INTS8: variants seen among roughly 807,000 people sequenced by gnomAD.
The protein encoded by INTS8 is integrator complex subunit 8.
INTS8 carries 47 observed loss-of-function variants against 138.9 expected under a neutral mutation model. That is an observed-to-expected ratio of 0.34 (90% CI 0.27 to 0.43). The LOEUF (loss-of-function observed/expected upper bound fraction) is 0.43. Among genes scored for constraint, INTS8 ranks in the 20% least tolerant of loss-of-function variants. The pLI, the probability that INTS8 is intolerant of heterozygous loss-of-function variation, is 1.00. For synonymous variants in INTS8, 392 were observed against 400.9 expected (o/e 0.98, Z 0.27); for missense variants, 996 against 1,173.0 (o/e 0.85, Z 2.20).
chr8:94,849,799 T>C, intron 11 of INTS8, 117 bp from the exon 12 acceptor site: 1 of 706,384 alleles, frequency 1.4e-6, no homozygotes, highest in Admixed American at 3.2e-5. Flanking sequence ...AAAATATCAT[T>C]ATACAGTTTA....
At position 94,873,269 on chromosome 8, in the gene INTS8, G is replaced by A. The variant is rs1816461100; in HGVS notation, c.2534-105G>A. On this transcript the variant is annotated intron_variant, in intron 21 of 26. Coordinates refer to ENST00000523731, the MANE Select transcript of INTS8 (RefSeq NM_017864.4). ...CATTTTATTTCTAGTTCTGTGGTTTGAATCTGCTTTTGTTAACTTATGAAG... is the reference window on the plus strand; with the variant it reads ...CATTTTATTTCTAGTTCTGTGGTTTAAATCTGCTTTTGTTAACTTATGAAG... 3.7e-6 allele frequency: 3 copies of A among 810,578 alleles called. No individual in the cohort carries two copies. In the South Asian group the frequency reaches 4.0e-5, roughly 11 times the overall value. 50.2% of individuals were successfully genotyped at this position (810,578 alleles called of 1,614,324 possible).
intron 26 of INTS8, 64 bp downstream of exon 26, chr8:94,876,553 G>T: frequency 9.8e-7 from 1 of 1,016,330 alleles, no homozygotes; most frequent in South Asian, 1.6e-5. Flanking sequence ...TTGTTAAGAT[G>T]TGAACCAACA....
intron 20 of INTS8, among the ~76,000 whole-genome samples, chr8:94,869,991 TC>T (rs1396848330): frequency 6.6e-6 from 1 of 152,152 alleles, no homozygotes; most frequent in African/African-American, 2.4e-5. Context: ...TGTGCCATGT[TC>T]CCCATCTCTA....
intron 3 of INTS8, 54 bp from the exon 4 acceptor site, chr8:94,827,668 A>G (rs1814559014): frequency 2.1e-6 from 3 of 1,435,212 alleles, no homozygotes; most frequent in South Asian, 1.2e-5. Flanking sequence ...TGAAAAAATA[A>G]TTGAGATGAC....
intron 20 of INTS8, among the ~76,000 whole-genome samples, chr8:94,870,733 G>C (rs566339214): frequency 6.6e-6 from 1 of 152,286 alleles, no homozygotes; most frequent in Admixed American, 6.5e-5. Context: ...TGGTGAGTTA[G>C]GGTAAACTGT....
At position 94,838,468 on chromosome 8, in the gene INTS8, T is replaced by A; in HGVS notation, c.867T>A (p.Gly289=). The A allele has an allele frequency of 6.2e-7, 1 of 1,611,724 alleles. No individual in the cohort carries two copies. The highest frequency in any genetic ancestry group is 8.5e-7 in the Non-Finnish European group (1 of 1,177,924). ...FRTKELIAEI[G]SLSLHCTIDE... ...GTATACCTCTTACTTTACAGATAGG[T>A]TCATTATCTCTTCATTGTACCATAG... is the stretch of plus-strand genomic sequence containing the variant. Residue 289 remains glycine, a synonymous_variant, in exon 8 of 27, where the codon GGT becomes GGA. Transcript: ENST00000523731.
chr8:94,826,084 A>T (rs757806416), intron 2 of INTS8, among the ~76,000 whole-genome samples: 1 of 152,208 alleles, frequency 6.6e-6, no homozygotes, highest in East Asian at 1.9e-4. Flanking sequence ...ATCTTTGCCC[A>T]TAAAATAAGT....
rs780066941 is a variant in INTS8 at position 94,836,578 on chromosome 8, G to C, written c.808G>C (p.Val270Leu). Residue 270 changes from valine to leucine, a missense_variant, in exon 7 of 27, where the codon GTC (valine) becomes CTC (leucine). By Grantham distance (32) the Val-to-Leu change is conservative. Coordinates refer to ENST00000523731, the MANE Select transcript of INTS8 (RefSeq NM_017864.4). ...YFQQGSTNSA[V>L]YENAREKFFR... Reference sequence around the variant, plus strand: ...CCAGCAAGGCTCCACAAATTCAGCTGTCTATGAAAATGCCAGGGAAAAATT... The same window carrying C: ...CCAGCAAGGCTCCACAAATTCAGCTCTCTATGAAAATGCCAGGGAAAAATT... The C allele has an allele frequency of 5.6e-6, 9 of 1,613,922 alleles. No homozygotes were observed.
At chr8:94,823,682 C>T in intron 1 of INTS8, 121 bp downstream of exon 1, 1 of 761,344 alleles carries the variant, frequency 1.3e-6, no homozygotes, top group Non-Finnish European at 2.0e-6. Flanking sequence ...CGCACAGGAG[C>T]CCAGCTCCGG....
chr8:94,860,535 T>C (rs2466430), intron 16 of INTS8, among the ~76,000 whole-genome samples: 122,247 of 142,742 alleles, frequency 0.86, 52,585 homozygotes, highest in African/African-American at 0.96. Context: ...GCTGAGATGG[T>C]GCCATTGCAC....
chr8:94,837,332 G>A (rs1016579894), intron 7 of INTS8, among the ~76,000 whole-genome samples: 1 of 151,970 alleles, frequency 6.6e-6, no homozygotes, highest in Non-Finnish European at 1.5e-5. Context: ...TGTAAACCTA[G>A]TATATCTATA....
In INTS8 at chr8:94,857,115, C is replaced by G; in HGVS notation, c.1954+137C>G. 5.9e-6 allele frequency: 4 copies of G among 673,656 alleles called. No individual in the cohort carries two copies. In the South Asian group the frequency reaches 8.0e-5, roughly 13 times the overall value. 41.7% of individuals were successfully genotyped at this position (673,656 alleles called of 1,614,324 possible). A position where few individuals can be genotyped will look rare whatever the true frequency, so the allele number is the denominator to read the frequency against. Reference sequence around the variant, plus strand: ...TGAGATGGAGTGTAGCTCTGTCACCCAGGCTGGAGTGTAATGGCGCGATCT... The same window carrying G: ...TGAGATGGAGTGTAGCTCTGTCACCGAGGCTGGAGTGTAATGGCGCGATCT... On this transcript the variant is annotated intron_variant, in intron 15 of 26. Transcript: ENST00000523731.
intron 10 of INTS8, among the ~76,000 whole-genome samples, chr8:94,844,333 C>A (rs1467836084): frequency 6.6e-6 from 1 of 151,996 alleles, no homozygotes; most frequent in Non-Finnish European, 1.5e-5. Context: ...GCCACCGTGC[C>A]TGGCCAGAGT....
intron 26 of INTS8, among the ~76,000 whole-genome samples, chr8:94,876,836 A>AC (rs968984481): frequency 1.3e-5 from 2 of 152,078 alleles, no homozygotes; most frequent in African/African-American, 4.8e-5. Flanking sequence ...CTACACCAGT[A>AC]CCCCTCCTGT....
chr8:94,867,401 G>C, intron 20 of INTS8, 64 bp downstream of exon 20: 1 of 1,168,344 alleles, frequency 8.6e-7, no homozygotes, highest in South Asian at 1.3e-5. Flanking sequence ...ATTCTGACTA[G>C]TATAGATACC....
Position 94,871,994 on chromosome 8 carries a change from T to G in INTS8, c.2525T>G (p.Ile842Ser), listed in dbSNP as rs749677207. 2 of 1,494,918 alleles carry G rather than the reference T, an allele frequency of 1.3e-6. No homozygotes were observed. The highest frequency in any genetic ancestry group is 2.3e-5 in the South Asian group (2 of 86,882). The allele number at this position is 1,494,918 out of a possible 1,614,324, so 92.6% of individuals were successfully genotyped here. ...TCTTGGTTAATTATCCAGGCAGATA[T>G]TTACTTTGGTAAGTGAGATGTTTAG... ...NHSWLIIQAD[I>S]YFATNQYSAA... Residue 842 changes from isoleucine (I) to serine (S), a missense_variant, in exon 21 of 27, where the codon ATT (isoleucine) becomes AGT (serine). Coordinates refer to ENST00000523731, the MANE Select transcript of INTS8 (RefSeq NM_017864.4).
rs945639221 is a variant in INTS8, at chr8:94,831,569, C to T, written c.571-423C>T. Among the ~76,000 whole-genome samples the T allele has an allele frequency of 4.0e-5, 6 of 150,962 alleles. No homozygotes were observed. The East Asian group carries it at 1.2e-3, about 30-fold the overall frequency. ...CGATCTTGGCTCACTGCGACCTCCA[C>T]CTCCCAGGTTCAAGCAATTCTCCTG... is the stretch of plus-strand genomic sequence containing the variant. On this transcript the variant is annotated intron_variant, in intron 5 of 26. Transcript: ENST00000523731.
Position 94,881,546 on chromosome 8 carries a change from C to CTACTT in INTS8, c.*1314_*1318dup. On this transcript the variant is annotated 3_prime_UTR_variant, in exon 27 of 27. Transcript: ENST00000523731. ...TTGGCTAGGGCAATCAATCACAGCA[C>CTACTT]TACTTTCTGTAAAACTTTAGTAGTT... 2.2e-6 allele frequency: 3 copies of CTACTT among 1,392,280 alleles called. No individual in the cohort carries two copies. The highest frequency in any genetic ancestry group is 2.0e-6 in the Non-Finnish European group (2 of 1,007,388). The allele number at this position is 1,392,280 out of a possible 1,614,324, so 86.2% of individuals were successfully genotyped here. A position where few individuals can be genotyped will look rare whatever the true frequency, so the allele number is the denominator to read the frequency against.
intron 2 of INTS8, 142 bp from the exon 3 acceptor site, chr8:94,827,121 A>G (rs1159733313): frequency 1.4e-6 from 1 of 724,874 alleles, no homozygotes; most frequent in Non-Finnish European, 2.3e-6. Flanking sequence ...AAGAAAAAAA[A>G]ACTTTTTCAC....
Sources: gnomAD v4.1 joint callset for allele counts (sites outside exome capture counted in the v4.1 genomes callset) on GRCh38, gnomAD v4.1.1 for gene constraint, MANE v1.5 for transcripts, NCBI Gene and HGNC (gene_info 2026-07-23, HGNC 2026-07-21) for gene names.